MS4A3: variants seen among roughly 807,000 people sequenced by gnomAD.
The protein encoded by MS4A3 is membrane-spanning 4-domains subfamily A member 3.
A neutral mutation model predicts 24.7 loss-of-function variants in MS4A3; 18 were observed. The ratio of observed to expected loss-of-function variants is 0.73; its 90% CI spans 0.50 to 1.08. The LOEUF (loss-of-function observed/expected upper bound fraction) is 1.08, where lower values mean the gene tolerates loss of function less well. Ranked by LOEUF, MS4A3 falls within the 50% of genes least tolerant of loss-of-function variation. The probability of loss-of-function intolerance (pLI) is 0.00; values close to 1 mark genes in which losing one functional copy is unlikely to be tolerated. For synonymous variants in MS4A3, 84 were observed against 95.3 expected (o/e 0.88, Z 0.69); for missense variants, 282 against 251.7 (o/e 1.12, Z -0.82).
chr11:60,061,060 A>G, intron 1 of MS4A3, 86 bp from the exon 2 acceptor site: 1 of 1,248,398 alleles, frequency 8.0e-7, no homozygotes, highest in African/African-American at 1.5e-5. Context: ...TATGGACAGA[A>G]TTGAACCCTT....
intron 5 of MS4A3, among the ~76,000 whole-genome samples, chr11:60,068,918 T>A (rs1151103): frequency 0.23 from 34,525 of 151,748 alleles, 4,500 homozygotes; most frequent in South Asian, 0.49. Context: ...GTGTTCTCAT[T>A]GTTCAGTTCC....
rs958972113 is a variant in MS4A3 at position 60,062,555 on chromosome 11, T to G, written c.244T>G (p.Phe82Val). ...LQYPYHFQKH[F>V]FFFTFYTGYP... The stretch of plus-strand genomic sequence containing the variant: ...ATACCCATACCACTTCCAAAAGCAC[T>G]TCTTTTTCTTCACCTTCTACACAGG... The change falls in exon 3 of 7, where the codon TTC (phenylalanine) becomes GTC (valine). Residue 82 changes from phenylalanine to valine, a missense_variant. By Grantham distance (50) the Phe-to-Val change is conservative (BLOSUM62 -1). Transcript: ENST00000278865. The G allele has an allele frequency of 3.7e-6, 6 of 1,614,142 alleles. No homozygotes were observed. The East Asian group carries it at 1.1e-4, about 30-fold the overall frequency.
chr11:60,067,745 AT>A (rs202165312), intron 5 of MS4A3, among the ~76,000 whole-genome samples: 41 of 151,028 alleles, frequency 2.7e-4, no homozygotes, highest in African/African-American at 8.0e-4. Flanking sequence ...CCCCAGAGAG[AT>A]TTTTTTTTAA....
chr11:60,065,255 T>C (rs1391976188), intron 4 of MS4A3, among the ~76,000 whole-genome samples: 2 of 150,386 alleles, frequency 1.3e-5, no homozygotes, highest in Admixed American at 1.3e-4. Context: ...TCTTGCCATG[T>C]TGCCCAGGCT....
intron 4 of MS4A3, among the ~76,000 whole-genome samples, chr11:60,066,125 C>A (rs994521501): frequency 2.0e-5 from 3 of 152,186 alleles, no homozygotes; most frequent in African/African-American, 7.2e-5. Context: ...CTTTCTTTCA[C>A]AATCCTGAAT....
intron 4 of MS4A3, 69 bp downstream of exon 4, chr11:60,064,387 G>C: frequency 8.4e-7 from 1 of 1,189,994 alleles, no homozygotes; most frequent in South Asian, 1.4e-5. Context: ...CAGTAGGACA[G>C]TAAGTGTCCA....
chr11:60,062,230 C>T (rs1160295168), intron 2 of MS4A3, among the ~76,000 whole-genome samples: 4 of 152,012 alleles, frequency 2.6e-5, no homozygotes, highest in Admixed American at 6.5e-5. Flanking sequence ...GAGAGGAGTT[C>T]GTGAGAATGA....
intron 1 of MS4A3, among the ~76,000 whole-genome samples, chr11:60,059,457 C>G (rs1052996971): frequency 2.0e-5 from 3 of 151,994 alleles, no homozygotes; most frequent in Non-Finnish European, 4.4e-5. Context: ...TAGGTAAATT[C>G]GTGCCACAGG....
chr11:60,057,726 A>G (rs1228306044), intron 1 of MS4A3, among the ~76,000 whole-genome samples: 1 of 152,162 alleles, frequency 6.6e-6, no homozygotes, highest in Non-Finnish European at 1.5e-5. Flanking sequence ...TTTTTTAAAA[A>G]TAAATAACTG....
chr11:60,061,036 G>C, intron 1 of MS4A3, 110 bp from the exon 2 acceptor site: 1 of 895,114 alleles, frequency 1.1e-6, no homozygotes, highest in South Asian at 2.1e-5. Flanking sequence ...CATTTGTGGA[G>C]AGTCATTGTA....
At chr11:60,067,924 C>T (rs1407083305) in intron 5 of MS4A3, among the ~76,000 whole-genome samples, 2 of 151,376 alleles carry the variant, frequency 1.3e-5, no homozygotes, top group African/African-American at 2.4e-5. Context: ...TGGTGGCAGG[C>T]GCCTGTAATC....
At chr11:60,058,679 G>A (rs1246905327) in intron 1 of MS4A3, among the ~76,000 whole-genome samples, 2 of 152,018 alleles carry the variant, frequency 1.3e-5, no homozygotes, top group African/African-American at 2.4e-5. Context: ...AAGAAAATAA[G>A]GCTGGATGGA....
rs781564881 is a variant in MS4A3 at position 60,062,592 on chromosome 11, G to T, written c.281G>T (p.Trp94Leu). 2.0e-5 allele frequency: 33 copies of T among 1,613,974 alleles called. 1 individual carries two copies. In the South Asian group the frequency reaches 3.3e-4, roughly 16 times the overall value. ...ACCTTCTACACAGGCTACCCGATTT[G>T]GGGTGCTGTGTTTGTGAGTATTCGT... is the stretch of plus-strand genomic sequence containing the variant. ...FFTFYTGYPI[W>L]GAVFFCSSGT... The change falls in exon 3 of 7, where the codon TGG (tryptophan) becomes TTG (leucine). Residue 94 changes from tryptophan (W) to leucine (L), a missense_variant. Transcript: ENST00000278865.
intron 3 of MS4A3, 122 bp downstream of exon 3, chr11:60,062,727 C>T: frequency 2.2e-6 from 2 of 891,686 alleles, no homozygotes; most frequent in Non-Finnish European, 1.6e-6. Context: ...TTTTGATTTG[C>T]AATTCTTGAT....
intron 5 of MS4A3, among the ~76,000 whole-genome samples, chr11:60,067,774 G>A (rs986108382): frequency 2.2e-4 from 33 of 151,746 alleles, no homozygotes; most frequent in East Asian, 2.2e-3. Flanking sequence ...TTCACCGGGC[G>A]CGGTGGCTCA....
At chr11:60,069,250 C>G (rs1399910691) in intron 5 of MS4A3, among the ~76,000 whole-genome samples, 5 of 152,218 alleles carry the variant, frequency 3.3e-5, no homozygotes, top group Non-Finnish European at 5.9e-5. Flanking sequence ...GCCTACTCCT[C>G]TCCTTAGTTT....
chr11:60,060,883 C>T (rs1312065475), intron 1 of MS4A3: 1 of 254,900 alleles, frequency 3.9e-6, no homozygotes, highest in Non-Finnish European at 7.4e-6. Flanking sequence ...TCAGTGCATG[C>T]AAAATGAGAA....
Position 60,070,361 on chromosome 11 carries a change from C to T in MS4A3, c.*128C>T. 1.4e-6 allele frequency: 1 copy of T among 719,848 alleles called. No individual in the cohort carries two copies. The highest frequency in any genetic ancestry group is 2.4e-6 in the Non-Finnish European group (1 of 423,570). 44.6% of individuals were successfully genotyped at this position (719,848 alleles called of 1,614,324 possible). A position where few individuals can be genotyped will look rare whatever the true frequency, so the allele number is the denominator to read the frequency against. On this transcript the variant is annotated 3_prime_UTR_variant, in exon 7 of 7. Transcript: ENST00000278865. ...AAAGCTCAATCCTTCTATCATGGCA[C>T]CAATCACAAGAACCTTGGACGTTTG...
chr11:60,062,353 C>CACT, intron 2 of MS4A3, 115 bp from the exon 3 acceptor site: 2 of 1,254,300 alleles, frequency 1.6e-6, no homozygotes, highest in Admixed American at 3.9e-5. Flanking sequence ...TTAGGCTTGA[C>CACT]ACTTTAACCA....
Sources: allele counts gnomAD v4.1 joint callset (sites outside exome capture counted in the v4.1 genomes callset), GRCh38; gene constraint gnomAD v4.1.1; transcripts MANE v1.5; gene names NCBI Gene and HGNC (gene_info 2026-07-23, HGNC 2026-07-21).